The following MYH10 variants were observed in gnomAD, a reference collection of about 807,000 sequenced individuals.
The protein encoded by MYH10 is myosin-10.
A neutral mutation model predicts 257.8 loss-of-function variants in MYH10; 55 were observed. That is an observed-to-expected ratio of 0.21 (90% confidence interval 0.17 to 0.27). MYH10 has a LOEUF of 0.27. Among genes scored for constraint, MYH10 ranks in the 10% least tolerant of loss-of-function variants. The pLI, the probability that MYH10 is intolerant of heterozygous loss-of-function variation, is 1.00. For missense variants in MYH10, 1,631 were observed against 2,500.6 expected (o/e 0.65, Z 7.42); for synonymous variants, 854 against 921.7 (o/e 0.93, Z 1.33).
At chr17:8,546,411 C>A (rs1597794018) in intron 12 of MYH10, 133 bp downstream of exon 12, 4 of 628,358 alleles carry the variant, frequency 6.4e-6, no homozygotes, top group South Asian at 3.1e-5. Context: ...AAAAAAAAAA[C>A]TCATTTAGTA....
chr17:8,525,150 C>T (rs527246522), intron 17 of MYH10, among the ~76,000 whole-genome samples: 10 of 152,232 alleles, frequency 6.6e-5, no homozygotes, highest in South Asian at 2.1e-4. Flanking sequence ...ATGCCCAGCC[C>T]GCTCCAGTCA....
Position 8,492,680 on chromosome 17 carries a change from T to C in MYH10, c.4458+96A>G, listed in dbSNP as rs1915969078. The C allele has an allele frequency of 3.2e-5, 43 of 1,352,914 alleles. 1 individual carries two copies. The South Asian group carries it at 5.0e-4, about 16-fold the overall frequency. The allele number at this position is 1,352,914 out of a possible 1,614,324, so 83.8% of individuals were successfully genotyped here. A position where few individuals can be genotyped will look rare whatever the true frequency, so the allele number is the denominator to read the frequency against. On this transcript the variant is annotated intron_variant, in intron 33 of 42. Transcript: ENST00000360416. The stretch of plus-strand genomic sequence containing the variant: ...CCTTTTTCCAATTTTGATATAAACA[T>C]GTATCACATTTAAATGCCTTTAAAT...
intron 4 of MYH10, among the ~76,000 whole-genome samples, chr17:8,583,480 T>C (rs943201311): frequency 7.2e-5 from 11 of 152,116 alleles, no homozygotes; most frequent in African/African-American, 2.4e-5. Context: ...CACAGTCTGA[T>C]AGCCCCCCTA....
intron 3 of MYH10, among the ~76,000 whole-genome samples, chr17:8,589,555 C>T (rs148294356): frequency 6.0e-4 from 91 of 152,234 alleles, no homozygotes; most frequent in African/African-American, 2.0e-3. Flanking sequence ...TTGGAAACCA[C>T]GGCCTTTCAG....
At chr17:8,531,840 A>G (rs995154340) in intron 16 of MYH10, among the ~76,000 whole-genome samples, 4 of 152,164 alleles carry the variant, frequency 2.6e-5, no homozygotes, top group Non-Finnish European at 5.9e-5. Flanking sequence ...GAGGAAAATA[A>G]TGTTTTTCCA....
chr17:8,525,418 C>A (rs138741926), intron 17 of MYH10, among the ~76,000 whole-genome samples: 62 of 152,368 alleles, frequency 4.1e-4, no homozygotes, highest in Non-Finnish European at 6.0e-4. Context: ...CTCTGGCCCC[C>A]CAACCATCAG....
At chr17:8,597,582 T>C (rs1053455776) in intron 3 of MYH10, among the ~76,000 whole-genome samples, 1 of 151,868 alleles carries the variant, frequency 6.6e-6, no homozygotes. Context: ...TTCAAATTTC[T>C]TTGACAAATT....
chr17:8,486,748 GTC>G, intron 36 of MYH10, among the ~76,000 whole-genome samples: 1 of 151,946 alleles, frequency 6.6e-6, no homozygotes, highest in Non-Finnish European at 1.5e-5. Flanking sequence ...ATTCATTTAA[GTC>G]TGGCCATCAT....
intron 3 of MYH10, among the ~76,000 whole-genome samples, chr17:8,589,569 G>C (rs2084042712): frequency 1.3e-5 from 2 of 152,044 alleles, no homozygotes; most frequent in Non-Finnish European, 2.9e-5. Context: ...CTTTCAGAAT[G>C]GCTTCAAGAA....
intron 6 of MYH10, among the ~76,000 whole-genome samples, chr17:8,574,304 C>T (rs1567923131): frequency 6.6e-6 from 1 of 152,150 alleles, no homozygotes; most frequent in Admixed American, 6.5e-5. Flanking sequence ...TATATGATTC[C>T]ATTCACACGA....
At chr17:8,528,111 CT>C (rs1225854122) in intron 17 of MYH10, among the ~76,000 whole-genome samples, 2 of 152,224 alleles carry the variant, frequency 1.3e-5, no homozygotes, top group Non-Finnish European at 2.9e-5. Context: ...TCTTCCGGAC[CT>C]GTCAGCTGCA....
intron 38 of MYH10, 22 bp downstream of exon 38, chr17:8,481,300 C>T (rs1913754923): frequency 2.5e-6 from 4 of 1,610,836 alleles, no homozygotes; most frequent in African/African-American, 1.3e-5. Flanking sequence ...GAAGAACCCA[C>T]CCCCGGCCGT....
chr17:8,571,202 A>C, intron 6 of MYH10, among the ~76,000 whole-genome samples: 1 of 134,702 alleles, frequency 7.4e-6, no homozygotes, highest in African/African-American at 2.8e-5. Context: ...TGAGACGGAG[A>C]CTCACTCTGT....
At position 8,545,548 on chromosome 17, in the gene MYH10, C is replaced by T. The variant is rs1172401222; in HGVS notation, c.1331G>A (p.Arg444His). 4.3e-6 allele frequency: 7 copies of T among 1,613,954 alleles called. No individual in the cohort carries two copies. Among genetic ancestry groups the T allele is most frequent in the African/African-American group, 1.3e-5 (1 of 74,898 alleles). ...TTTATTGATGCGATGAACGAGCCAG[C>T]GAAAGAGCCGCTCATAGGTAGCTTT... is the stretch of plus-strand genomic sequence containing the variant. ...LAKATYERLFRWLVHRINKAL... is the reference protein window; with the variant it reads ...LAKATYERLFHWLVHRINKAL... Residue 444 changes from arginine (R) to histidine (H), a missense_variant, in exon 13 of 43, where the codon CGC (arginine) becomes CAC (histidine). Coordinates refer to ENST00000360416, the MANE Select transcript of MYH10 (RefSeq NM_001256012.3). The surrounding 1 kb of genome is among the most constrained non-coding windows in gnomAD (Gnocchi z 4.7).
At chr17:8,579,717 T>G (rs1333577862) in intron 4 of MYH10, among the ~76,000 whole-genome samples, 1 of 152,230 alleles carries the variant, frequency 6.6e-6, no homozygotes, top group African/African-American at 2.4e-5. Context: ...CTATTCATGC[T>G]AAAAGAGGCC....
At chr17:8,509,402 G>A (rs936189041) in intron 25 of MYH10, among the ~76,000 whole-genome samples, 2 of 151,650 alleles carry the variant, frequency 1.3e-5, no homozygotes, top group Non-Finnish European at 2.9e-5. Context: ...TGTCCTCATC[G>A]TTAAACAACA....
At chr17:8,536,013 C>CT in intron 14 of MYH10, 82 bp from the exon 15 acceptor site, 2 of 1,316,070 alleles carry the variant, frequency 1.5e-6, no homozygotes, top group Non-Finnish European at 1.1e-6. Flanking sequence ...ACTTCTAAAA[C>CT]AATTAGTTTT....
At position 8,545,533 on chromosome 17, in the gene MYH10, C is replaced by T. The variant is rs768634600; in HGVS notation, c.1346G>A (p.Arg449His). 6.2e-6 allele frequency: 10 copies of T among 1,613,896 alleles called. No individual in the cohort carries two copies. The Admixed American group carries it at 1.0e-4, about 16-fold the overall frequency. ...GGTCCTATCCAGAGCTTTATTGATG[C>T]GATGAACGAGCCAGCGAAAGAGCCG... ...YERLFRWLVHRINKALDRTKR... is the reference protein window; with the variant it reads ...YERLFRWLVHHINKALDRTKR... Residue 449 changes from arginine to histidine, a missense_variant, in exon 13 of 43, where the codon CGC (arginine) becomes CAC (histidine). By Grantham distance (29) the Arg-to-His change is conservative (BLOSUM62 0). Coordinates refer to ENST00000360416, the MANE Select transcript of MYH10 (RefSeq NM_001256012.3). This position sits in a 1 kb window ranked among gnomAD's most constrained non-coding sequence, Gnocchi z 4.7.
intron 2 of MYH10, among the ~76,000 whole-genome samples, chr17:8,621,820 A>T (rs1432153096): frequency 6.6e-6 from 1 of 152,148 alleles, no homozygotes; most frequent in African/African-American, 2.4e-5. Flanking sequence ...CTCAAATGCT[A>T]CCTTCACAAA....
Sources: gnomAD v4.1 joint callset for allele counts (sites outside exome capture counted in the v4.1 genomes callset) on GRCh38, gnomAD v4.1.1 for gene constraint, Gnocchi (gnomAD v3.1) non-coding constraint, MANE v1.5 for transcripts, NCBI Gene and HGNC (gene_info 2026-07-23, HGNC 2026-07-21) for gene names.